The following SGO2 variants were observed in gnomAD, a reference collection of about 807,000 sequenced individuals.
SGO2 encodes shugoshin-like 2.
A neutral mutation model predicts 99.5 loss-of-function variants in SGO2; 68 were observed. The observed-to-expected ratio is 0.68, with a 90% CI of 0.56 to 0.84. SGO2 has a LOEUF of 0.84. Among genes scored for constraint, SGO2 ranks in the 40% least tolerant of loss-of-function variants. The probability of loss-of-function intolerance (pLI) is 0.00; values close to 1 mark genes in which losing one functional copy is unlikely to be tolerated. For missense variants in SGO2, 1,350 were observed against 1,436.7 expected, an observed-to-expected ratio of 0.94 and a Z score of 0.97; for synonymous variants, 457 against 487.1, an observed-to-expected ratio of 0.94 and a Z score of 0.81.
intron 1 of SGO2, among the ~76,000 whole-genome samples, chr2:200,528,837 G>T (rs1387314513): frequency 1.3e-5 from 2 of 152,214 alleles, no homozygotes; most frequent in African/African-American, 4.8e-5. Context: ...GAAGTGGTCA[G>T]CGAGGCAGGA....
chr2:200,538,558 G>A (rs1173076980), intron 4 of SGO2, among the ~76,000 whole-genome samples: 5 of 152,118 alleles, frequency 3.3e-5, no homozygotes, highest in Non-Finnish European at 7.4e-5. Flanking sequence ...AGCTTTTTGA[G>A]TGCAGGGATG....
intron 5 of SGO2, among the ~76,000 whole-genome samples, chr2:200,559,183 A>G (rs2032843149): frequency 6.6e-6 from 1 of 152,194 alleles, no homozygotes; most frequent in Admixed American, 6.5e-5. Flanking sequence ...AATTTTTTTT[A>G]AAGAATTTGA....
chr2:200,539,629 A>G (rs1185726409), intron 4 of SGO2, among the ~76,000 whole-genome samples: 1 of 151,540 alleles, frequency 6.6e-6, no homozygotes, highest in African/African-American at 2.4e-5. Context: ...AATACTTTCA[A>G]TTTTTTAAAT....
chr2:200,547,563 C>T (rs185995974), intron 5 of SGO2, among the ~76,000 whole-genome samples: 113 of 152,280 alleles, frequency 7.4e-4, no homozygotes, highest in African/African-American at 2.6e-3. Flanking sequence ...TTTATCAAAA[C>T]TATATCAACC....
rs139581144 is a variant in SGO2, at chr2:200,557,370, C to G, written c.474-12293C>G. Among the ~76,000 whole-genome samples the G allele has an allele frequency of 5.9e-3, 904 of 152,218 alleles. 8 individuals are homozygous for G. Among genetic ancestry groups the G allele is most frequent in the African/African-American group, 0.021 (871 of 41,534 alleles). On this transcript the variant is annotated intron_variant, in intron 5 of 8. Coordinates refer to ENST00000357799, the MANE Select transcript of SGO2 (RefSeq NM_152524.6). ...CCTCTAACCCAATCCCATCCTTTAC[C>G]TGGGCACCCCACCACTTACCCAAAG...
intron 5 of SGO2, among the ~76,000 whole-genome samples, chr2:200,560,633 A>G (rs2032902863): frequency 6.6e-6 from 1 of 152,004 alleles, no homozygotes; most frequent in Admixed American, 6.6e-5. Context: ...GTTATGATGT[A>G]TTATTCTTTC....
At chr2:200,576,114 A>C (rs1025238503) in intron 8 of SGO2, 1 of 389,710 alleles carries the variant, frequency 2.6e-6, no homozygotes, top group Non-Finnish European at 5.0e-6. Context: ...ATCTAACAAA[A>C]AAGAATGATT....
At chr2:200,568,655 C>A (rs1423596571) in intron 5 of SGO2, among the ~76,000 whole-genome samples, 1 of 152,112 alleles carries the variant, frequency 6.6e-6, no homozygotes. Context: ...GAATTCTAAC[C>A]TTGAACCAAT....
chr2:200,568,234 G>A (rs1184916336), intron 5 of SGO2, among the ~76,000 whole-genome samples: 1 of 152,024 alleles, frequency 6.6e-6, no homozygotes, highest in African/African-American at 2.4e-5. Context: ...ATATTTTTAT[G>A]TACTTATTGG....
chr2:200,575,373 GA>G lies in SGO2; in HGVS notation c.3698del (p.Asn1233IlefsTer31). On this transcript the variant is annotated frameshift_variant, in exon 8 of 9. Coordinates refer to ENST00000357799, the MANE Select transcript of SGO2 (RefSeq NM_152524.6). LOFTEE classifies it high-confidence loss of function. ...SFVSNNTAES[E>X]NKSEDLSSER... ...TGTTTCAAATAACACTGCTGAATCT[GA>G]AAATAAGTCAGAAGATCTATCTTCA... 6.2e-7 allele frequency: 1 copy of G among 1,608,988 alleles called. No individual in the cohort carries two copies. The highest frequency in any genetic ancestry group is 1.1e-5 in the South Asian group (1 of 90,340).
At chr2:200,532,737 A>G (rs1317147580) in intron 1 of SGO2, among the ~76,000 whole-genome samples, 1 of 152,084 alleles carries the variant, frequency 6.6e-6, no homozygotes, top group East Asian at 1.9e-4. Flanking sequence ...TTTCCCCTGC[A>G]CCTGGTACAT....
intron 1 of SGO2, chr2:200,532,265 GTTTTTTGTTTTT>G (rs1277389096): frequency 3.6e-5 from 16 of 443,802 alleles, no homozygotes; most frequent in Admixed American, 9.8e-5. Flanking sequence ...AGGTGACAGA[GTTTTTTGTTTTT>G]TTTTTTGTTT....
intron 5 of SGO2, among the ~76,000 whole-genome samples, chr2:200,550,399 CTT>C (rs2032424963): frequency 2.0e-5 from 3 of 152,086 alleles, no homozygotes; most frequent in Non-Finnish European, 4.4e-5. Context: ...CCAAAGCAAT[CTT>C]GAGCAAAATG....
chr2:200,553,253 A>G (rs2032571876), intron 5 of SGO2, among the ~76,000 whole-genome samples: 1 of 152,240 alleles, frequency 6.6e-6, no homozygotes, highest in South Asian at 2.1e-4. Context: ...TATATTCTAC[A>G]ACAGTAAAAC....
At chr2:200,582,068 C>T (rs2033856612) in intron 8 of SGO2, among the ~76,000 whole-genome samples, 1 of 152,112 alleles carries the variant, frequency 6.6e-6, no homozygotes, top group Admixed American at 6.5e-5. Context: ...TATAACTAAA[C>T]TCCATAACTT....
chr2:200,541,237 T>C (rs374240061), intron 4 of SGO2, among the ~76,000 whole-genome samples: 47 of 152,334 alleles, frequency 3.1e-4, no homozygotes, highest in African/African-American at 1.1e-3. Context: ...ACTTTTGATA[T>C]GCAAGCTAAC....
Position 200,573,023 on chromosome 2 carries a change from A to G in SGO2, c.2677A>G (p.Arg893Gly). Reference protein sequence around the residue: ...ILELKKYVTDRKSAEQNESKI... With the variant: ...ILELKKYVTDGKSAEQNESKI... ...GGAGTTGAAAAAGTATGTTACTGAT[A>G]GGAAATCTGCTGAGCAAAATGAATC... The change falls in exon 7 of 9, where the codon AGG (arginine) becomes GGG (glycine). Residue 893 changes from arginine (R) to glycine (G), a missense_variant. Coordinates refer to ENST00000357799, the MANE Select transcript of SGO2 (RefSeq NM_152524.6). 1 of 1,570,926 alleles carries G rather than the reference A, an allele frequency of 6.4e-7. No homozygotes were observed. The highest frequency in any genetic ancestry group is 8.6e-7 in the Non-Finnish European group (1 of 1,165,532).
chr2:200,578,224 A>G (rs896453312), intron 8 of SGO2, among the ~76,000 whole-genome samples: 4 of 111,718 alleles, frequency 3.6e-5, no homozygotes, highest in Admixed American at 9.2e-5. Context: ...TGAAAGTCCA[A>G]TGCCATCAAT....
chr2:200,560,313 T>C (rs2032889007), intron 5 of SGO2, among the ~76,000 whole-genome samples: 1 of 152,184 alleles, frequency 6.6e-6, no homozygotes, highest in African/African-American at 2.4e-5. Context: ...TTCCATGATA[T>C]ATCTTTTTCT....
Sources: gnomAD v4.1 joint callset for allele counts (sites outside exome capture counted in the v4.1 genomes callset) on GRCh38, gnomAD v4.1.1 for gene constraint, MANE v1.5 for transcripts, NCBI Gene and HGNC (gene_info 2026-07-23, HGNC 2026-07-21) for gene names.